Variants in EFCAB11 observed in about 807,000 individuals in gnomAD.
EFCAB11 encodes the protein EF-hand calcium binding domain 11.
EFCAB11 carries 14 observed loss-of-function variants against 23.0 expected under a neutral mutation model. That is an observed-to-expected ratio of 0.61 (90% CI 0.40 to 0.95). EFCAB11 has a LOEUF of 0.95. Among genes scored for constraint, EFCAB11 ranks in the 40% least tolerant of loss-of-function variants. The pLI, the probability that EFCAB11 is intolerant of heterozygous loss-of-function variation, is 0.00. For synonymous variants in EFCAB11, 65 were observed against 66.6 expected (o/e 0.98, Z 0.11); for missense variants, 198 against 195.8 (o/e 1.01, Z -0.07).
chr14:89,909,293 A>G (rs1889587565), intron 5 of EFCAB11, among the ~76,000 whole-genome samples: 3 of 152,212 alleles, frequency 2.0e-5, no homozygotes, highest in African/African-American at 7.2e-5. Flanking sequence ...GTCTGATCAC[A>G]TCGGCTGGGC....
intron 5 of EFCAB11, among the ~76,000 whole-genome samples, chr14:89,874,889 CAA>C (rs756026860): frequency 5.9e-5 from 8 of 135,964 alleles, no homozygotes; most frequent in Non-Finnish European, 8.0e-5. Context: ...GAAACTGTCT[CAA>C]AAAAAAAAAA....
Position 89,866,189 on chromosome 14 carries a change from G to A in EFCAB11, c.410+65352C>T, listed in dbSNP as rs190286703. 5.9e-5 allele frequency among the ~76,000 whole-genome samples: 9 copies of A among 152,298 alleles called. No individual in the cohort carries two copies. In the East Asian group the frequency reaches 7.7e-4, roughly 13 times the overall value. On this transcript the variant is annotated intron_variant, in intron 5 of 5. Transcript: ENST00000316738. ...GTTCAATGATAGGATTTTAGACACC[G>A]TCAGGGATGGTTGGAAAGACATTTT... is the stretch of plus-strand genomic sequence containing the variant.
intron 5 of EFCAB11, among the ~76,000 whole-genome samples, chr14:89,913,880 C>T (rs1180725561): frequency 2.0e-5 from 3 of 152,022 alleles, no homozygotes; most frequent in Admixed American, 6.6e-5. Context: ...TTATCAATTC[C>T]TGCCAAGCAG....
chr14:89,802,060 T>A (rs1430408259), intron 5 of EFCAB11, among the ~76,000 whole-genome samples: 1 of 152,106 alleles, frequency 6.6e-6, no homozygotes, highest in African/African-American at 2.4e-5. Flanking sequence ...TATGAAAATG[T>A]TGACATCATA....
intron 5 of EFCAB11, among the ~76,000 whole-genome samples, chr14:89,810,582 C>A (rs1278765130): frequency 6.6e-6 from 1 of 151,848 alleles, no homozygotes; most frequent in Admixed American, 6.6e-5. Flanking sequence ...ATGGTAAAAC[C>A]CCATCTCTAC....
chr14:89,803,059 A>G (rs1173940351), intron 5 of EFCAB11, among the ~76,000 whole-genome samples: 1 of 151,796 alleles, frequency 6.6e-6, no homozygotes, highest in Admixed American at 6.6e-5. Context: ...TGTTGGTAGG[A>G]CCCTCTCCCA....
intron 5 of EFCAB11, among the ~76,000 whole-genome samples, chr14:89,874,334 T>A (rs1049681082): frequency 6.6e-6 from 1 of 152,154 alleles, no homozygotes; most frequent in East Asian, 1.9e-4. Context: ...CCTAGGCCTC[T>A]GGGCCTGCGA....
At position 89,796,912 on chromosome 14, in the gene EFCAB11, T is replaced by C. The variant is rs1305399107; in HGVS notation, c.*331A>G. 5.3e-6 allele frequency: 1 copy of C among 189,736 alleles called. No individual in the cohort carries two copies. Among genetic ancestry groups the C allele is most frequent in the African/African-American group, 2.3e-5 (1 of 42,740 alleles). The allele number at this position is 189,736 out of a possible 1,614,324, so 11.8% of individuals were successfully genotyped here. A position where few individuals can be genotyped will look rare whatever the true frequency, so the allele number is the denominator to read the frequency against. On this transcript the variant is annotated 3_prime_UTR_variant, in exon 6 of 6. Coordinates refer to ENST00000316738, the MANE Select transcript of EFCAB11 (RefSeq NM_145231.4). ...CCATCCCTAGCCCCAGCTCTAGCAA[T>C]GGCGGCCTGACTCAGGGCTGCTGGC...
At chr14:89,848,787 C>A (rs886067285) in intron 5 of EFCAB11, 1 of 152,148 alleles carries the variant, frequency 6.6e-6, no homozygotes, top group Admixed American at 6.5e-5. Flanking sequence ...ATTATCCAGG[C>A]GTGGTGGCAA....
At chr14:89,835,644 T>TGTGTGTGTGTGTGTGTGTGTG (rs1223325732) in intron 5 of EFCAB11, among the ~76,000 whole-genome samples, 10 of 57,962 alleles carry the variant, frequency 1.7e-4, no homozygotes, top group African/African-American at 4.8e-4. Context: ...GTGTGTGTGT[T>TGTGTGTGTGTGTGTGTGTGTG]TGAGACGTTG....
chr14:89,835,593 T>TGTGC (rs1309149565), intron 5 of EFCAB11, among the ~76,000 whole-genome samples: 4 of 119,546 alleles, frequency 3.3e-5, no homozygotes, highest in Non-Finnish European at 6.8e-5. Flanking sequence ...AACGTGTGTG[T>TGTGC]GTGTGTGTGT....
intron 5 of EFCAB11, among the ~76,000 whole-genome samples, chr14:89,817,035 T>C (rs1179423180): frequency 2.0e-5 from 3 of 152,082 alleles, no homozygotes; most frequent in East Asian, 1.9e-4. Flanking sequence ...ATAATAAAAG[T>C]ATAAATATTT....
At chr14:89,941,753 CA>C (rs1890803194) in intron 3 of EFCAB11, among the ~76,000 whole-genome samples, 1 of 151,800 alleles carries the variant, frequency 6.6e-6, no homozygotes. Context: ...TAGCCAGGCA[CA>C]GTGGCTCATG....
At chr14:89,860,211 A>G (rs1025694840) in intron 5 of EFCAB11, among the ~76,000 whole-genome samples, 1 of 152,126 alleles carries the variant, frequency 6.6e-6, no homozygotes, top group Non-Finnish European at 1.5e-5. Flanking sequence ...TAAAAACACA[A>G]AAACTAGCTG....
rs180827353 is a variant in EFCAB11 at position 89,835,296 on chromosome 14, T to C, written c.411-37972A>G. 4.6e-3 allele frequency among the ~76,000 whole-genome samples: 698 copies of C among 152,308 alleles called. 6 individuals carry two copies. The highest frequency in any genetic ancestry group is 0.016 in the African/African-American group (669 of 41,568). On this transcript the variant is annotated intron_variant, in intron 5 of 5. Coordinates refer to ENST00000316738, the MANE Select transcript of EFCAB11 (RefSeq NM_145231.4). The stretch of plus-strand genomic sequence containing the variant: ...TGAAATGCCTGGAACCAGAAGAGTT[T>C]CAGATTTCTGATTTTTTTCAGATTT...
intron 3 of EFCAB11, among the ~76,000 whole-genome samples, chr14:89,936,754 G>A (rs942504093): frequency 2.5e-4 from 38 of 152,114 alleles, no homozygotes; most frequent in African/African-American, 8.5e-4. Context: ...CCAATACATA[G>A]TAACATGCTA....
chr14:89,913,274 A>G (rs562750668), intron 5 of EFCAB11, among the ~76,000 whole-genome samples: 1 of 152,314 alleles, frequency 6.6e-6, no homozygotes, highest in East Asian at 1.9e-4. Flanking sequence ...AACAGGGCGG[A>G]CATGATACTC....
In EFCAB11 at chr14:89,840,315, A is replaced by G. The variant is rs115482182; in HGVS notation, c.411-42991T>C. Among the ~76,000 whole-genome samples, 889 of 152,340 alleles carry G rather than the reference A, an allele frequency of 5.8e-3. 11 individuals are homozygous for G. Among genetic ancestry groups the G allele is most frequent in the African/African-American group, 0.02 (831 of 41,566 alleles). ...TAGGCTTATACTGAAGATACTTGAG[A>G]TATTTTATTTTACAATTGCAATGAA... On this transcript the variant is annotated intron_variant, in intron 5 of 5. Transcript: ENST00000316738.
chr14:89,854,725 C>T (rs1887698409), intron 5 of EFCAB11, among the ~76,000 whole-genome samples: 1 of 152,156 alleles, frequency 6.6e-6, no homozygotes, highest in African/African-American at 2.4e-5. Flanking sequence ...CCTCCCCTGT[C>T]CCCTGCCATA....
Sources: allele counts gnomAD v4.1 joint callset (sites outside exome capture counted in the v4.1 genomes callset), GRCh38; gene constraint gnomAD v4.1.1; transcripts MANE v1.5; gene names NCBI Gene and HGNC (gene_info 2026-07-23, HGNC 2026-07-21).